PCDHGB1: variants seen among roughly 807,000 people sequenced by gnomAD.
PCDHGB1 encodes the protein protocadherin gamma subfamily B, 1.
A neutral mutation model predicts 56.6 loss-of-function variants in PCDHGB1; 34 were observed. That is an observed-to-expected ratio of 0.60 (90% CI 0.46 to 0.80). The LOEUF is 0.80. Ranked by LOEUF, PCDHGB1 falls within the 30% of genes least tolerant of loss-of-function variation. The pLI, the probability that PCDHGB1 is intolerant of heterozygous loss-of-function variation, is 0.00. For synonymous variants in PCDHGB1, 561 were observed against 505.9 expected, an observed-to-expected ratio of 1.11 and a Z score of -1.46; for missense variants, 1,278 against 1,204.6, an observed-to-expected ratio of 1.06 and a Z score of -0.90.
chr5:141,499,089 A>G (rs1417307590), intron 2 of PCDHGB1, among the ~76,000 whole-genome samples: 2 of 152,116 alleles, frequency 1.3e-5, no homozygotes, highest in Non-Finnish European at 1.5e-5. Context: ...CCTGCTTGGC[A>G]CATGCTTCTC....
intron 1 of PCDHGB1, chr5:141,400,601 C>T (rs1401354209): frequency 1.3e-6 from 2 of 1,592,588 alleles, no homozygotes; most frequent in East Asian, 4.5e-5. Flanking sequence ...CGTACATTTT[C>T]AAGTCCAATG....
At chr5:141,353,115 C>A (rs1759192459) in intron 1 of PCDHGB1, among the ~76,000 whole-genome samples, 4 of 152,014 alleles carry the variant, frequency 2.6e-5, no homozygotes, top group South Asian at 2.1e-4. Context: ...ATGGAGATTG[C>A]TTTCTTGATT....
At position 141,379,889 on chromosome 5, in the gene PCDHGB1, C is replaced by CTTTTTTTTTTTTTTT. The variant is rs70988800; in HGVS notation, c.2409+27236_2409+27250dup. On this transcript the variant is annotated intron_variant, in intron 1 of 3. Coordinates refer to ENST00000523390, the MANE Select transcript of PCDHGB1 (RefSeq NM_018922.3). ...CTTATTTTATGGTCTGTGAAAGCCT[C>CTTTTTTTTTTTTTTT]TTTTTTTTTTTTTTTTTTTTTTTTT... Among the ~76,000 whole-genome samples, 120 of 50,828 alleles carry CTTTTTTTTTTTTTTT rather than the reference C, an allele frequency of 2.4e-3. 21 individuals carry two copies. The highest frequency in any genetic ancestry group is 3.0e-3 in the Non-Finnish European group (77 of 25,882). 33.3% of individuals were successfully genotyped at this position (50,828 alleles called of 152,430 possible).
chr5:141,423,177 C>G (rs748689237), intron 1 of PCDHGB1: 7 of 1,613,430 alleles, frequency 4.3e-6, no homozygotes, highest in Non-Finnish European at 5.1e-6. Context: ...TCCAGGACCA[C>G]GGCCAGCCCC....
rs746578484 is a variant in PCDHGB1 at position 141,351,428 on chromosome 5, T to C, written c.1168T>C (p.Leu390=). 295 of 1,611,860 alleles carry C rather than the reference T, an allele frequency of 1.8e-4. No individual in the cohort carries two copies. The highest frequency in any genetic ancestry group is 2.4e-4 in the Non-Finnish European group (286 of 1,178,844). The change falls in exon 1 of 4, where the codon TTA becomes CTA. Residue 390 remains leucine (L), a synonymous_variant. Coordinates refer to ENST00000523390, the MANE Select transcript of PCDHGB1 (RefSeq NM_018922.3). ...TACTCAGGAAGAAGTTCCTTTCAAA[T>C]TAGAATCCACCTCGAAGAATTATTA... The part of the protein sequence containing the change: ...CYTQEEVPFK[L]ESTSKNYYKL...
chr5:141,478,631 A>G (rs781339775), intron 1 of PCDHGB1: 1 of 1,553,196 alleles, frequency 6.4e-7, no homozygotes, highest in Non-Finnish European at 8.7e-7. Context: ...CTGTTTTTTT[A>G]GTGATGAAGA....
At chr5:141,407,114 T>C (rs1309229793) in intron 1 of PCDHGB1, among the ~76,000 whole-genome samples, 1 of 152,228 alleles carries the variant, frequency 6.6e-6, no homozygotes, top group Non-Finnish European at 1.5e-5. Flanking sequence ...ATTATTTGGG[T>C]TTCAGTTGCT....
At chr5:141,503,005 G>A (rs915064303) in intron 2 of PCDHGB1, among the ~76,000 whole-genome samples, 16 of 145,340 alleles carry the variant, frequency 1.1e-4, no homozygotes, top group African/African-American at 2.3e-4. Flanking sequence ...CACCATGCCC[G>A]GTTAATTTTT....
At position 141,352,481 on chromosome 5, in the gene PCDHGB1, G is replaced by C; in HGVS notation, c.2221G>C (p.Glu741Gln). The C allele has an allele frequency of 6.2e-7, 1 of 1,614,036 alleles. No individual in the cohort carries two copies. The highest frequency in any genetic ancestry group is 1.1e-5 in the South Asian group (1 of 91,088). The part of the protein sequence containing the change: ...SGPGVPPNHS[E>Q]GTLPYSYNLC... ...GCCCGGGGTTCCTCCCAACCACAGCGAGGGGACTTTGCCCTATTCCTACAA... is the reference window on the plus strand; with the variant it reads ...GCCCGGGGTTCCTCCCAACCACAGCCAGGGGACTTTGCCCTATTCCTACAA... Residue 741 changes from glutamate (E) to glutamine (Q), a missense_variant, in exon 1 of 4, where the codon GAG (glutamate) becomes CAG (glutamine). Physicochemically the swap from Glu to Gln is conservative, Grantham distance 29 (BLOSUM62 2). Transcript: ENST00000523390.
chr5:141,415,982 T>A lies in PCDHGB1; in HGVS notation c.2409+63313T>A, dbSNP rs531852883. The A allele has an allele frequency of 1.9e-4, 66 of 342,492 alleles. 1 individual carries two copies. Among genetic ancestry groups the A allele is most frequent in the African/African-American group, 1.3e-3 (59 of 46,668 alleles). 21.2% of individuals were successfully genotyped at this position (342,492 alleles called of 1,614,324 possible). A position where few individuals can be genotyped will look rare whatever the true frequency, so the allele number is the denominator to read the frequency against. ...AACTCCAGCCCCTTAAGCAACCCTC[T>A]TGTTCTGAAGGCAGGTCTGGTAAGA... On this transcript the variant is annotated intron_variant, in intron 1 of 3. Transcript: ENST00000523390.
At chr5:141,501,318 C>T (rs1273608837) in intron 2 of PCDHGB1, among the ~76,000 whole-genome samples, 1 of 151,766 alleles carries the variant, frequency 6.6e-6, no homozygotes, top group African/African-American at 2.4e-5. Flanking sequence ...CACACACACA[C>T]ACACACACAC....
intron 1 of PCDHGB1, chr5:141,413,350 G>A: frequency 6.2e-7 from 1 of 1,613,974 alleles, no homozygotes; most frequent in Non-Finnish European, 8.5e-7. Context: ...CTTGGGTCTG[G>A]CGCCCCGGGA....
intron 1 of PCDHGB1, chr5:141,418,087 C>G (rs2096220274): frequency 6.2e-7 from 1 of 1,613,894 alleles, no homozygotes; most frequent in African/African-American, 1.3e-5. Context: ...TGCACTTCAG[C>G]GTAGACGCGC....
intron 1 of PCDHGB1, chr5:141,375,428 C>A (rs749307933): frequency 2.5e-6 from 4 of 1,613,984 alleles, no homozygotes; most frequent in East Asian, 2.2e-5. Flanking sequence ...CAACGACAAC[C>A]CGCCCACCTT....
At chr5:141,357,089 G>A (rs762398968) in intron 1 of PCDHGB1, 9 of 1,613,760 alleles carry the variant, frequency 5.6e-6, no homozygotes, top group Middle Eastern at 1.6e-4. Context: ...CGCACCGCAC[G>A]GGCCCTGCTG....
rs2097504446 is a variant in PCDHGB1, at chr5:141,432,472, T to C, written c.2410-62335T>C. The C allele has an allele frequency of 9.9e-6, 16 of 1,614,012 alleles. No homozygotes were observed. Among genetic ancestry groups the C allele is most frequent in the Non-Finnish European group, 1.4e-5 (16 of 1,180,036 alleles). ...TGTACCCCGCCCTCCCCACGGACGG[T>C]TCCACTGGCGTGGAGCTGGCTCCCC... On this transcript the variant is annotated intron_variant, in intron 1 of 3. Transcript: ENST00000523390. This position sits in a 1 kb window ranked among gnomAD's most constrained non-coding sequence, Gnocchi z 6.0.
At chr5:141,372,970 T>C (rs866196404) in intron 1 of PCDHGB1, 1 of 680,560 alleles carries the variant, frequency 1.5e-6, no homozygotes, top group East Asian at 2.8e-5. Flanking sequence ...GAATTTCCTG[T>C]AGAATATCTG....
chr5:141,366,830 C>T, intron 1 of PCDHGB1: 1 of 1,521,896 alleles, frequency 6.6e-7, no homozygotes, highest in Non-Finnish European at 8.8e-7. Context: ...TATTCAGAAT[C>T]AGCTAGTTAT....
chr5:141,362,004 G>A (rs779926353), intron 1 of PCDHGB1: 27 of 1,604,352 alleles, frequency 1.7e-5, no homozygotes, highest in African/African-American at 1.6e-4. Flanking sequence ...GGTTGCGCAC[G>A]GGTGAGGTGC....
Sources: allele counts gnomAD v4.1 joint callset (sites outside exome capture counted in the v4.1 genomes callset), GRCh38; gene constraint gnomAD v4.1.1; non-coding constraint Gnocchi (gnomAD v3.1); transcripts MANE v1.5; gene names NCBI Gene and HGNC (gene_info 2026-07-23, HGNC 2026-07-21).